The following DGAT2 variants were observed in gnomAD, a reference collection of about 807,000 sequenced individuals.
The protein encoded by DGAT2 is diacylglycerol O-acyltransferase 2, also known as acyl-CoA retinol O-fatty-acyltransferase.
Under a neutral mutation model 48.4 loss-of-function variants are expected in DGAT2, and 33 were observed. The ratio of observed to expected loss-of-function variants is 0.68; its 90% CI spans 0.52 to 0.91. The LOEUF is 0.91. Among genes scored for constraint, DGAT2 ranks in the 40% least tolerant of loss-of-function variants. The pLI, the probability that DGAT2 is intolerant of heterozygous loss-of-function variation, is 0.00. For missense variants in DGAT2, 446 were observed against 493.7 expected, an observed-to-expected ratio of 0.90 and a Z score of 0.92; for synonymous variants, 191 against 194.1, an observed-to-expected ratio of 0.98 and a Z score of 0.13.
At chr11:75,775,512 A>G (rs1182671643) in intron 1 of DGAT2, among the ~76,000 whole-genome samples, 1 of 152,182 alleles carries the variant, frequency 6.6e-6, no homozygotes, top group Non-Finnish European at 1.5e-5. Context: ...GCGTTTTGGG[A>G]CCAGTTCTAT....
rs988905197 is a variant in DGAT2 at position 75,779,076 on chromosome 11, C to T, written c.122-5542C>T. On this transcript the variant is annotated intron_variant, in intron 1 of 7. Transcript: ENST00000228027. ...CTGAAAACTTGGGTTTCATCAGCCC[C>T]GAGGTGTGGCCTTCCTGGTCACTTT... Among the ~76,000 whole-genome samples the T allele has an allele frequency of 7.2e-5, 11 of 152,230 alleles. 1 individual carries two copies. The South Asian group carries it at 1.7e-3, about 23-fold the overall frequency.
intron 1 of DGAT2, 127 bp downstream of exon 1, chr11:75,769,239 C>T (rs1469804316): frequency 1.4e-5 from 17 of 1,206,480 alleles, no homozygotes; most frequent in Admixed American, 1.1e-4. Context: ...ATTTTTACGA[C>T]CTCTGTTACA....
At chr11:75,785,971 G>A (rs1287752260) in intron 2 of DGAT2, among the ~76,000 whole-genome samples, 1 of 152,248 alleles carries the variant, frequency 6.6e-6, no homozygotes, top group African/African-American at 2.4e-5. Flanking sequence ...TGGAAGCCCA[G>A]AATTAGTGAA....
chr11:75,770,709 G>A (rs1275408919), intron 1 of DGAT2, among the ~76,000 whole-genome samples: 3 of 152,112 alleles, frequency 2.0e-5, no homozygotes, highest in Admixed American at 1.3e-4. Context: ...TTGTTCCTTA[G>A]GAGAACTTGT....
chr11:75,782,550 C>T (rs1460774832), intron 1 of DGAT2, among the ~76,000 whole-genome samples: 1 of 152,234 alleles, frequency 6.6e-6, no homozygotes, highest in Non-Finnish European at 1.5e-5. Flanking sequence ...TGGAAGATGA[C>T]TTGTCCAGCC....
intron 1 of DGAT2, among the ~76,000 whole-genome samples, chr11:75,774,831 C>T (rs1944789649): frequency 6.6e-6 from 1 of 152,166 alleles, no homozygotes; most frequent in Non-Finnish European, 1.5e-5. Context: ...GTAGTGTTGC[C>T]ATGGCAGCCC....
At position 75,769,139 on chromosome 11, in the gene DGAT2, G is replaced by T. The variant is rs1404646393; in HGVS notation, c.121+27G>T. 8.5e-6 allele frequency: 13 copies of T among 1,528,346 alleles called. No individual in the cohort carries two copies. The Admixed American group carries it at 3.0e-4, about 35-fold the overall frequency. 94.7% of individuals were successfully genotyped at this position (1,528,346 alleles called of 1,614,324 possible). On this transcript the variant is annotated intron_variant, in intron 1 of 7. Coordinates refer to ENST00000228027, the MANE Select transcript of DGAT2 (RefSeq NM_032564.5). Reference sequence around the variant, plus strand: ...TGAGTGCCACGGCGCAGGGGTTATGGACCTGCGAGAAGATTTTCTGGAAAG... The same window carrying T: ...TGAGTGCCACGGCGCAGGGGTTATGTACCTGCGAGAAGATTTTCTGGAAAG...
chr11:75,792,624 T>C (rs928497166), intron 4 of DGAT2: 2 of 151,044 alleles, frequency 1.3e-5, no homozygotes, highest in South Asian at 2.1e-4. Context: ...TGGCCCAGAG[T>C]GTATCCCTTC....
intron 1 of DGAT2, among the ~76,000 whole-genome samples, chr11:75,781,503 G>A (rs369363860): frequency 6.6e-6 from 1 of 152,242 alleles, no homozygotes; most frequent in African/African-American, 2.4e-5. Flanking sequence ...GAAAGCAGAG[G>A]TGCAGTCCTC....
chr11:75,779,309 G>T (rs1168435020), intron 1 of DGAT2, among the ~76,000 whole-genome samples: 1 of 152,228 alleles, frequency 6.6e-6, no homozygotes, highest in African/African-American at 2.4e-5. Context: ...AAGTCCAGGT[G>T]TGGGCTGGCG....
chr11:75,780,091 A>T (rs1944845037), intron 1 of DGAT2, among the ~76,000 whole-genome samples: 1 of 152,214 alleles, frequency 6.6e-6, no homozygotes, highest in South Asian at 2.1e-4. Flanking sequence ...GAGAGTGCAG[A>T]TGTGGTGAGG....
chr11:75,780,965 G>A (rs992118893), intron 1 of DGAT2, among the ~76,000 whole-genome samples: 2 of 152,238 alleles, frequency 1.3e-5, no homozygotes, highest in African/African-American at 2.4e-5. Flanking sequence ...ACCTCCTTGG[G>A]GCTGGCCTGA....
chr11:75,777,097 A>T (rs563732855), intron 1 of DGAT2, among the ~76,000 whole-genome samples: 1 of 152,126 alleles, frequency 6.6e-6, no homozygotes, highest in African/African-American at 2.4e-5. Flanking sequence ...AGATGGGCCC[A>T]GGTGTGGCAT....
chr11:75,797,048 G>T, intron 5 of DGAT2, 110 bp from the exon 6 acceptor site: 1 of 1,142,774 alleles, frequency 8.8e-7, no homozygotes, highest in Non-Finnish European at 1.2e-6. Context: ...GGCTGGGCTA[G>T]GTCTGGGGCC....
In DGAT2 at chr11:75,800,466, C is replaced by T; in HGVS notation, c.1125C>T (p.Thr375=). 1 of 1,614,190 alleles carries T rather than the reference C, an allele frequency of 6.2e-7. No individual in the cohort carries two copies. Residue 375 remains threonine, a synonymous_variant, in exon 8 of 8, where the codon ACC becomes ACT. Transcript: ENST00000228027. ...ALVKLFDKHK[T]KFGLPETEVL... ...TGAAGCTCTTCGACAAGCACAAGAC[C>T]AAGTTCGGCCTCCCGGAGACTGAGG...
At position 75,796,416 on chromosome 11, in the gene DGAT2, A is replaced by C. The variant is rs755534774; in HGVS notation, c.518A>C (p.Asn173Thr). The C allele has an allele frequency of 1.2e-6, 2 of 1,614,160 alleles. No homozygotes were observed. Among genetic ancestry groups the C allele is most frequent in the Admixed American group, 1.7e-5 (1 of 60,028 alleles). Reference sequence around the variant, plus strand: ...ATCATGGGCCTGGGTGCCTTCTGCAACTTCAGCACAGAGGCCACAGAAGTG... The same window carrying C: ...ATCATGGGCCTGGGTGCCTTCTGCACCTTCAGCACAGAGGCCACAGAAGTG... ...HGIMGLGAFCNFSTEATEVSK... is the reference protein window; with the variant it reads ...HGIMGLGAFCTFSTEATEVSK... The change falls in exon 5 of 8, where the codon AAC (asparagine) becomes ACC (threonine). Residue 173 changes from asparagine (N) to threonine (T), a missense_variant. Coordinates refer to ENST00000228027, the MANE Select transcript of DGAT2 (RefSeq NM_032564.5).
intron 2 of DGAT2, among the ~76,000 whole-genome samples, chr11:75,786,247 T>C (rs371463117): frequency 2.3e-4 from 35 of 152,220 alleles, no homozygotes; most frequent in African/African-American, 7.9e-4. Flanking sequence ...CTTACTAGAA[T>C]CCTAGAGTAG....
At chr11:75,775,609 C>A (rs562167067) in intron 1 of DGAT2, among the ~76,000 whole-genome samples, 1 of 152,270 alleles carries the variant, frequency 6.6e-6, no homozygotes, top group African/African-American at 2.4e-5. Context: ...GGGTAGAGGC[C>A]AGGACTCCTA....
intron 1 of DGAT2, chr11:75,776,461 C>G (rs1053480652): frequency 1.3e-5 from 2 of 152,302 alleles, no homozygotes; most frequent in African/African-American, 4.8e-5. Flanking sequence ...GGAAGACTTT[C>G]CAGAGAAAGA....
Sources: allele counts gnomAD v4.1 joint callset (sites outside exome capture counted in the v4.1 genomes callset), GRCh38; gene constraint gnomAD v4.1.1; transcripts MANE v1.5; gene names NCBI Gene and HGNC (gene_info 2026-07-23, HGNC 2026-07-21).